The following ARHGEF4 variants were observed in gnomAD, a reference collection of about 807,000 sequenced individuals.
ARHGEF4 encodes Rho guanine nucleotide exchange factor 4, also known as APC-stimulated guanine nucleotide exchange factor 1.
Under a neutral mutation model 162.0 loss-of-function variants are expected in ARHGEF4, and 119 were observed. The ratio of observed to expected loss-of-function variants is 0.73; its 90% CI spans 0.63 to 0.86. The LOEUF (loss-of-function observed/expected upper bound fraction) is 0.86. ARHGEF4 is among the 40% of genes least tolerant of loss of function. The pLI is 0.00. For missense variants in ARHGEF4, 2,488 were observed against 2,456.0 expected (o/e 1.01, Z -0.28); for synonymous variants, 1,014 against 979.9 (o/e 1.03, Z -0.65).
intron 4 of ARHGEF4, among the ~76,000 whole-genome samples, chr2:131,027,111 C>T (rs1168057782): frequency 6.6e-6 from 1 of 152,194 alleles, no homozygotes; most frequent in East Asian, 1.9e-4. Context: ...GGCATGCAGA[C>T]ACTGTCCAGC....
intron 4 of ARHGEF4, among the ~76,000 whole-genome samples, chr2:130,993,360 A>G (rs1211903863): frequency 6.6e-6 from 1 of 152,202 alleles, no homozygotes; most frequent in East Asian, 1.9e-4. Context: ...AAAATTTTGT[A>G]TGATTTCAAC....
At chr2:130,997,957 G>A (rs371737263) in intron 4 of ARHGEF4, among the ~76,000 whole-genome samples, 131 of 152,112 alleles carry the variant, frequency 8.6e-4, no homozygotes, top group African/African-American at 3.0e-3. Context: ...AGCTTCGTAG[G>A]AACACACAGA....
Position 130,916,781 on chromosome 2 carries a change from C to T in ARHGEF4, c.2835C>T (p.Ser945=), listed in dbSNP as rs1455071317. The change falls in exon 2 of 14, where the codon AGC becomes AGT. Residue 945 remains serine (S), a synonymous_variant. Transcript: ENST00000409359. Reference sequence around the variant, plus strand: ...CTCCCAAGGGCGAGAAGGAGAAGAGCAGGCTGCGCCAGGGTTCCTGGCGGG... The same window carrying T: ...CTCCCAAGGGCGAGAAGGAGAAGAGTAGGCTGCGCCAGGGTTCCTGGCGGG... ...PSSPKGEKEK[S]RLRQGSWRAF... is the part of the protein sequence containing the mutation. 1.9e-6 allele frequency: 3 copies of T among 1,550,426 alleles called. No individual in the cohort carries two copies. Among genetic ancestry groups the T allele is most frequent in the African/African-American group, 1.4e-5 (1 of 73,044 alleles).
intron 1 of ARHGEF4, among the ~76,000 whole-genome samples, chr2:130,898,133 T>A (rs561061973): frequency 2.8e-4 from 43 of 152,326 alleles, no homozygotes; most frequent in Admixed American, 1.3e-3. Flanking sequence ...TTATCCACAT[T>A]TCCTCCCTGT....
chr2:130,932,988 G>A (rs952417537), intron 3 of ARHGEF4, among the ~76,000 whole-genome samples: 4 of 152,084 alleles, frequency 2.6e-5, no homozygotes, highest in African/African-American at 7.2e-5. Context: ...AAGCCGAGGC[G>A]GTGGATCACT....
chr2:130,932,729 T>G (rs1464822536), intron 3 of ARHGEF4, among the ~76,000 whole-genome samples: 1 of 152,206 alleles, frequency 6.6e-6, no homozygotes, highest in East Asian at 1.9e-4. Context: ...GAAATTTACC[T>G]CTGTTTTTTT....
In ARHGEF4 at chr2:130,866,597, T is replaced by C. The variant is rs141444371; in HGVS notation, c.39+29605T>C. ...GCTGAGGGTTTTTATCACATAGGTA[T>C]GTTGAATTCTGCCAGATACTCTTTC... On this transcript the variant is annotated intron_variant, in intron 1 of 13. Coordinates refer to ENST00000409359, the MANE Select transcript of ARHGEF4 (RefSeq NM_001367493.1). Among the ~76,000 whole-genome samples the C allele has an allele frequency of 3.5e-4, 54 of 152,356 alleles. No individual in the cohort carries two copies. In the East Asian group the frequency reaches 0.01, roughly 29 times the overall value.
chr2:130,983,535 A>C (rs1044819238), intron 4 of ARHGEF4, among the ~76,000 whole-genome samples: 5 of 152,236 alleles, frequency 3.3e-5, no homozygotes, highest in African/African-American at 4.8e-5. Flanking sequence ...CATTTTACCA[A>C]CCATTTTAAA....
At chr2:130,973,976 A>G (rs575802726) in intron 4 of ARHGEF4, among the ~76,000 whole-genome samples, 1 of 152,288 alleles carries the variant, frequency 6.6e-6, no homozygotes, top group South Asian at 2.1e-4. Context: ...AACACTGATT[A>G]AGATAGAATC....
chr2:130,909,184 A>G (rs1285351214), intron 1 of ARHGEF4, among the ~76,000 whole-genome samples: 1 of 152,216 alleles, frequency 6.6e-6, no homozygotes, highest in East Asian at 1.9e-4. Context: ...TCCAGGACAA[A>G]TGAAAGCACA....
chr2:131,036,057 G>C (rs765842001), intron 5 of ARHGEF4, among the ~76,000 whole-genome samples: 12 of 152,226 alleles, frequency 7.9e-5, no homozygotes, highest in Non-Finnish European at 1.8e-4. Flanking sequence ...TCAAGAGTCA[G>C]TCTCCGCTCC....
intron 1 of ARHGEF4, among the ~76,000 whole-genome samples, chr2:130,868,274 G>A (rs1327484544): frequency 2.6e-5 from 4 of 152,036 alleles, no homozygotes; most frequent in African/African-American, 9.7e-5. Context: ...GGAGTCTCCT[G>A]GACGTCTTTT....
intron 2 of ARHGEF4, among the ~76,000 whole-genome samples, chr2:130,926,754 C>T (rs1157712874): frequency 7.2e-6 from 1 of 137,976 alleles, no homozygotes; most frequent in East Asian, 2.3e-4. Context: ...AAAAGTGGCT[C>T]AACAGTCAAA....
At chr2:130,950,351 C>A (rs181410580) in intron 4 of ARHGEF4, among the ~76,000 whole-genome samples, 5 of 152,224 alleles carry the variant, frequency 3.3e-5, no homozygotes, top group African/African-American at 1.2e-4. Flanking sequence ...GCTGGCAGGG[C>A]CAGGTACATC....
At chr2:130,979,419 T>G (rs376435295) in intron 4 of ARHGEF4, among the ~76,000 whole-genome samples, 3 of 152,194 alleles carry the variant, frequency 2.0e-5, no homozygotes, top group African/African-American at 7.2e-5. Context: ...AAGTTTAGTT[T>G]GAGGACAAAA....
chr2:130,865,510 C>G (rs1395470588), intron 1 of ARHGEF4, among the ~76,000 whole-genome samples: 1 of 152,184 alleles, frequency 6.6e-6, no homozygotes, highest in Non-Finnish European at 1.5e-5. Context: ...ACCTCCTCCT[C>G]CTAGTCATCA....
Position 130,837,538 on chromosome 2 carries a change from G to A in ARHGEF4, c.39+546G>A, listed in dbSNP as rs1680279588. On this transcript the variant is annotated intron_variant, in intron 1 of 13. Transcript: ENST00000409359. ...CGGGGCTGTTGGGCTCCTGCTCGGG[G>A]TGCCCCCTCTCTGGCCCGATTTCCG... 1.2e-5 allele frequency: 5 copies of A among 426,596 alleles called. No individual in the cohort carries two copies. The Admixed American group carries it at 1.3e-4, about 11-fold the overall frequency. 26.4% of individuals were successfully genotyped at this position (426,596 alleles called of 1,614,324 possible). A position where few individuals can be genotyped will look rare whatever the true frequency, so the allele number is the denominator to read the frequency against.
intron 3 of ARHGEF4, among the ~76,000 whole-genome samples, chr2:130,936,549 A>G (rs571518388): frequency 6.6e-6 from 1 of 152,338 alleles, no homozygotes; most frequent in Non-Finnish European, 1.5e-5. Context: ...TCCCAGATAT[A>G]TAACTTCTGC....
At chr2:130,919,334 G>T (rs1282276329) in intron 2 of ARHGEF4, among the ~76,000 whole-genome samples, 1 of 152,142 alleles carries the variant, frequency 6.6e-6, no homozygotes, top group Non-Finnish European at 1.5e-5. Context: ...AAGGGCAGGG[G>T]TATTTTAATA....
Sources: gnomAD v4.1 joint callset for allele counts (sites outside exome capture counted in the v4.1 genomes callset) on GRCh38, gnomAD v4.1.1 for gene constraint, MANE v1.5 for transcripts, NCBI Gene and HGNC (gene_info 2026-07-23, HGNC 2026-07-21) for gene names.